ACO1: variants seen among roughly 807,000 people sequenced by gnomAD.
ACO1 encodes the protein aconitase 1.
ACO1 carries 78 observed loss-of-function variants against 105.1 expected under a neutral mutation model. The observed-to-expected ratio is 0.74, with a 90% CI of 0.62 to 0.90. The LOEUF (loss-of-function observed/expected upper bound fraction) is 0.90, where lower values mean the gene tolerates loss of function less well. Among genes scored for constraint, ACO1 ranks in the 40% least tolerant of loss-of-function variants. The pLI is 0.00. For synonymous variants in ACO1, 364 were observed against 397.4 expected (o/e 0.92, Z 1.00); for missense variants, 965 against 1,111.1 (o/e 0.87, Z 1.87).
intron 20 of ACO1, among the ~76,000 whole-genome samples, chr9:32,449,708 A>G (rs988204536): frequency 6.6e-6 from 1 of 152,102 alleles, no homozygotes; most frequent in Admixed American, 6.5e-5. Context: ...ATTAATAGCT[A>G]CTGCCCTGAG....
chr9:32,449,816 G>A (rs573404037), intron 20 of ACO1, among the ~76,000 whole-genome samples, 182 bp from the exon 21 acceptor site: 5 of 152,154 alleles, frequency 3.3e-5, no homozygotes, highest in Admixed American at 6.5e-5. Flanking sequence ...CAGAGATCTT[G>A]CTGAAATGCA....
rs769315718 is a variant in ACO1, at chr9:32,440,800, A to C, written c.2370+213A>C. On this transcript the variant is annotated intron_variant, in intron 19 of 20. Transcript: ENST00000309951. ...CAGAGTTGAACTGGATCTATCATTC[A>C]TTAATGGACCTTGGGGGCATGTCTA... Among the ~76,000 whole-genome samples the C allele has an allele frequency of 3.3e-5, 5 of 152,220 alleles. No individual in the cohort carries two copies. The East Asian group carries it at 9.6e-4, about 29-fold the overall frequency.
At chr9:32,387,008 G>A (rs1477172085) in intron 1 of ACO1, among the ~76,000 whole-genome samples, 1 of 152,202 alleles carries the variant, frequency 6.6e-6, no homozygotes, top group Admixed American at 6.5e-5. Context: ...TACCTAAAGT[G>A]TGCTTCAAAG....
At chr9:32,434,007 G>A (rs992349332) in intron 16 of ACO1, among the ~76,000 whole-genome samples, 175 bp downstream of exon 16, 20 of 152,098 alleles carry the variant, frequency 1.3e-4, no homozygotes, top group African/African-American at 4.1e-4. Context: ...GGCTGCCGTG[G>A]GTCTATAGTT....
chr9:32,445,300 G>A (rs1304203327), intron 19 of ACO1, among the ~76,000 whole-genome samples: 1 of 152,090 alleles, frequency 6.6e-6, no homozygotes, highest in Non-Finnish European at 1.5e-5. Context: ...ACTTGTTATT[G>A]GTCTATTCAG....
intron 20 of ACO1, among the ~76,000 whole-genome samples, 188 bp from the exon 21 acceptor site, chr9:32,449,810 G>A (rs1289587629): frequency 6.6e-6 from 1 of 152,276 alleles, no homozygotes; most frequent in East Asian, 1.9e-4. Flanking sequence ...GCCTCCCAGA[G>A]ATCTTGCTGA....
At chr9:32,412,489 T>C (rs1821760783) in intron 4 of ACO1, among the ~76,000 whole-genome samples, 1 of 152,206 alleles carries the variant, frequency 6.6e-6, no homozygotes, top group Non-Finnish European at 1.5e-5. Context: ...ACTGAGTTCC[T>C]GGCAGCCTCA....
chr9:32,396,977 C>CT (rs995361733), intron 1 of ACO1, among the ~76,000 whole-genome samples: 73 of 151,066 alleles, frequency 4.8e-4, no homozygotes, highest in East Asian at 2.5e-3. Flanking sequence ...ATCATTTAAG[C>CT]TTTTTTTTTT....
intron 4 of ACO1, among the ~76,000 whole-genome samples, chr9:32,416,183 C>A (rs1176041277): frequency 6.6e-6 from 1 of 151,832 alleles, no homozygotes; most frequent in Non-Finnish European, 1.5e-5. Flanking sequence ...CAACCTCCAC[C>A]TCCCAGGTTC....
At chr9:32,393,220 G>A (rs1055852255) in intron 1 of ACO1, among the ~76,000 whole-genome samples, 9 of 152,172 alleles carry the variant, frequency 5.9e-5, no homozygotes, top group South Asian at 2.1e-4. Context: ...GAGAAATATC[G>A]CTGAATTGTT....
chr9:32,399,769 G>GA (rs1821448657), intron 1 of ACO1, among the ~76,000 whole-genome samples: 2 of 149,326 alleles, frequency 1.3e-5, no homozygotes, highest in Non-Finnish European at 3.0e-5. Context: ...ATTGTTGAGT[G>GA]AAAAAAAGCA....
At chr9:32,428,798 A>T (rs1351818287) in intron 12 of ACO1, among the ~76,000 whole-genome samples, 2 of 151,970 alleles carry the variant, frequency 1.3e-5, no homozygotes, top group African/African-American at 4.8e-5. Context: ...GAGCAGAGAT[A>T]GCGCCACTGC....
intron 19 of ACO1, among the ~76,000 whole-genome samples, chr9:32,444,653 A>C (rs539212640): frequency 6.6e-6 from 1 of 152,082 alleles, no homozygotes; most frequent in Admixed American, 6.6e-5. Context: ...TCCTTCACCC[A>C]CTTTTTGATG....
chr9:32,435,983 C>T (rs1400385328), intron 17 of ACO1: 2 of 606,220 alleles, frequency 3.3e-6, no homozygotes, highest in Middle Eastern at 2.6e-4. Context: ...TTTTAGACTT[C>T]CTTCTTATTT....
intron 4 of ACO1, among the ~76,000 whole-genome samples, chr9:32,412,813 A>G (rs1324345345): frequency 2.6e-5 from 4 of 152,252 alleles, no homozygotes; most frequent in Non-Finnish European, 5.9e-5. Flanking sequence ...AAGTTAGGAA[A>G]GTAGCCATAA....
In ACO1 at chr9:32,418,446, CAGACAGCCTCGTGG is replaced by C; in HGVS notation, c.594_607del (p.Asp199HisfsTer9). The C allele has an allele frequency of 6.2e-7, 1 of 1,614,170 alleles. No individual in the cohort carries two copies. The highest frequency in any genetic ancestry group is 8.5e-7 in the Non-Finnish European group (1 of 1,180,028). On this transcript the variant is annotated frameshift_variant, in exon 6 of 21. Transcript: ENST00000309951. LOFTEE classifies it high-confidence loss of function. ...TTTGATCAGGATGGATATTATTACCCAGACAGCCTCGTGGGCACAGACTCGCACACTACCATGAT... is the reference window on the plus strand; with the variant it reads ...TTTGATCAGGATGGATATTATTACCCGCACAGACTCGCACACTACCATGAT...
chr9:32,384,763 T>G (rs1821119811), intron 1 of ACO1, 28 bp downstream of exon 1: 1 of 368,064 alleles, frequency 2.7e-6, no homozygotes, highest in African/African-American at 2.2e-5. Flanking sequence ...CCGACCCACG[T>G]CCCCAGGCGG....
intron 4 of ACO1, among the ~76,000 whole-genome samples, chr9:32,415,338 A>T (rs1004594173): frequency 2.6e-5 from 4 of 152,246 alleles, no homozygotes; most frequent in Non-Finnish European, 5.9e-5. Flanking sequence ...GAATGGCCTC[A>T]CAGGGCAGCT....
chr9:32,424,481 C>A, intron 9 of ACO1, 68 bp from the exon 10 acceptor site: 1 of 1,015,194 alleles, frequency 9.9e-7, no homozygotes, highest in Non-Finnish European at 1.5e-6. Context: ...AATTCTCTGA[C>A]ATGCTTTGGG....
Sources: allele counts gnomAD v4.1 joint callset (sites outside exome capture counted in the v4.1 genomes callset), GRCh38; gene constraint gnomAD v4.1.1; transcripts MANE v1.5; gene names NCBI Gene and HGNC (gene_info 2026-07-23, HGNC 2026-07-21).